The following PCDHGB6 variants were observed in gnomAD, a reference collection of about 807,000 sequenced individuals.
PCDHGB6 encodes the protein protocadherin gamma-B6.
Under a neutral mutation model 59.1 loss-of-function variants are expected in PCDHGB6, and 51 were observed. The observed-to-expected ratio is 0.86, with a 90% CI of 0.69 to 1.09. PCDHGB6 has a LOEUF of 1.09. Ranked by LOEUF, PCDHGB6 falls within the 50% of genes least tolerant of loss-of-function variation. The pLI, the probability that PCDHGB6 is intolerant of heterozygous loss-of-function variation, is 0.00. For synonymous variants in PCDHGB6, 466 were observed against 495.1 expected (o/e 0.94, Z 0.78); for missense variants, 1,148 against 1,205.1 (o/e 0.95, Z 0.70).
chr5:141,410,439 G>A lies in PCDHGB6; in HGVS notation c.2237G>A (p.Gly746Glu), dbSNP rs775594110. The A allele has an allele frequency of 3.1e-6, 5 of 1,614,006 alleles. No homozygotes were observed. The highest frequency in any genetic ancestry group is 3.3e-5 in the Admixed American group (2 of 60,018). The change falls in exon 1 of 4, where the codon GGG becomes GAG. Residue 746 changes from glycine (G) to glutamate (E), a missense_variant. Physicochemically the swap from Gly to Glu is moderately conservative, Grantham distance 98 (BLOSUM62 -2). Around this residue, in one of 5 missense-constraint regions of PCDHGB6, gnomAD observed 283 missense variants for 318.6 expected, o/e 0.89. Transcript: ENST00000520790. ...GPVVPPNYSE[G>E]TLPYSYNLCI... ...GTAGTTCCCCCCAACTACAGTGAGG[G>A]GACTTTGCCTTATTCTTATAATCTG...
intron 1 of PCDHGB6, chr5:141,415,738 AGGTTTTTT>A: frequency 1.9e-6 from 1 of 538,082 alleles, no homozygotes; most frequent in Non-Finnish European, 2.7e-6. Flanking sequence ...ATGTTTATTA[AGGTTTTTT>A]TTTTTTTTTT....
rs764313049 is a variant in PCDHGB6, at chr5:141,418,041, T to G, written c.2418+7421T>G. 36 of 1,613,976 alleles carry G rather than the reference T, an allele frequency of 2.2e-5. No homozygotes were observed. In the Admixed American group the frequency reaches 2.3e-4, roughly 10 times the overall value. On this transcript the variant is annotated intron_variant, in intron 1 of 3. Coordinates refer to ENST00000520790, the MANE Select transcript of PCDHGB6 (RefSeq NM_018926.3). Reference sequence around the variant, plus strand: ...GATCTAGGGCTTAGTGTCCTGGATGTGTCGGCTCGCGAGCTGCGAGTGAGC... The same window carrying G: ...GATCTAGGGCTTAGTGTCCTGGATGGGTCGGCTCGCGAGCTGCGAGTGAGC...
intron 1 of PCDHGB6, chr5:141,419,462 C>T: frequency 6.2e-7 from 1 of 1,612,582 alleles, no homozygotes. Flanking sequence ...GCTGCAGGCC[C>T]GCGACCAGGG....
In PCDHGB6 at chr5:141,409,920, C is replaced by G; in HGVS notation, c.1718C>G (p.Ala573Gly). The change falls in exon 1 of 4, where the codon GCG (alanine) becomes GGG (glycine). Residue 573 changes from alanine (A) to glycine (G), a missense_variant. Coordinates refer to ENST00000520790, the MANE Select transcript of PCDHGB6 (RefSeq NM_018926.3). ...LYPALGPDGS[A>G]FFDMVPRSAE... is the part of the protein sequence containing the mutation. ...CCAGCTCTGGGTCCTGACGGCTCCG[C>G]GTTCTTCGATATGGTACCTCGCTCT... 1 of 1,613,400 alleles carries G rather than the reference C, an allele frequency of 6.2e-7. No individual in the cohort carries two copies. Among genetic ancestry groups the G allele is most frequent in the Non-Finnish European group, 8.5e-7 (1 of 1,179,776 alleles).
Position 141,477,160 on chromosome 5 carries a change from C to A in PCDHGB6, c.2419-17647C>A, listed in dbSNP as rs768436526. The A allele has an allele frequency of 1.9e-5, 31 of 1,614,068 alleles. No homozygotes were observed. The African/African-American group carries it at 3.6e-4, about 19-fold the overall frequency. On this transcript the variant is annotated intron_variant, in intron 1 of 3. Coordinates refer to ENST00000520790, the MANE Select transcript of PCDHGB6 (RefSeq NM_018926.3). This position sits in a 1 kb window ranked among gnomAD's most constrained non-coding sequence, Gnocchi z 4.9. ...TGGAGGTTGTGGATGTGAATGACAA[C>A]GCCCCGGAGATCACAGTCACCTCCG...
At chr5:141,470,302 C>A (rs996558051) in intron 1 of PCDHGB6, among the ~76,000 whole-genome samples, 5 of 152,188 alleles carry the variant, frequency 3.3e-5, no homozygotes, top group African/African-American at 1.2e-4. Context: ...GTTTTTATTC[C>A]ATTTTTCCTC....
At position 141,486,182 on chromosome 5, in the gene PCDHGB6, C is replaced by G. The variant is rs1288782056; in HGVS notation, c.2419-8625C>G. On this transcript the variant is annotated intron_variant, in intron 1 of 3. Transcript: ENST00000520790. This position sits in a 1 kb window ranked among gnomAD's most constrained non-coding sequence, Gnocchi z 5.0. ...AGCCATGGAGCAACATTGCAGCCTT[C>G]GAGTGGATCTGCTGGACGTAAATGA... 1 of 1,614,198 alleles carries G rather than the reference C, an allele frequency of 6.2e-7. No individual in the cohort carries two copies. Among genetic ancestry groups the G allele is most frequent in the Non-Finnish European group, 8.5e-7 (1 of 1,180,028 alleles).
intron 1 of PCDHGB6, chr5:141,428,224 G>A (rs1232582892): frequency 1.7e-6 from 2 of 1,164,198 alleles, no homozygotes; most frequent in Non-Finnish European, 1.3e-6. Flanking sequence ...AGTCTTCGCA[G>A]ACAGCCTGCA....
At chr5:141,501,583 T>C (rs1270487304) in intron 2 of PCDHGB6, among the ~76,000 whole-genome samples, 1 of 152,054 alleles carries the variant, frequency 6.6e-6, no homozygotes, top group Non-Finnish European at 1.5e-5. Context: ...GGCTTTCAGG[T>C]TGCAACTCTA....
chr5:141,421,424 G>T lies in PCDHGB6; in HGVS notation c.2418+10804G>T, dbSNP rs369037131. 2.2e-5 allele frequency: 35 copies of T among 1,613,974 alleles called. No individual in the cohort carries two copies. The African/African-American group carries it at 3.9e-4, about 18-fold the overall frequency. ...CGGGAGCTGGCGAAGCGCGGAGTCC[G>T]CATCGTCTCCAGAGGGAAGACACAG... is the stretch of plus-strand genomic sequence containing the variant. On this transcript the variant is annotated intron_variant, in intron 1 of 3. Transcript: ENST00000520790.
At chr5:141,418,449 A>C in intron 1 of PCDHGB6, 1 of 1,614,040 alleles carries the variant, frequency 6.2e-7, no homozygotes, top group Non-Finnish European at 8.5e-7. Context: ...TTAGTATTGC[A>C]GAAGACTCTG....
Position 141,491,897 on chromosome 5 carries a change from C to G in PCDHGB6, c.2419-2910C>G. The stretch of plus-strand genomic sequence containing the variant: ...GATTAAGGGATGGGGCTCCGAGCAC[C>G]GGGGGTGGTGGCGACTGTGGGCGAG... On this transcript the variant is annotated intron_variant, in intron 1 of 3. Transcript: ENST00000520790. This position sits in a 1 kb window ranked among gnomAD's most constrained non-coding sequence, Gnocchi z 6.9. 7 of 1,432,534 alleles carry G rather than the reference C, an allele frequency of 4.9e-6. No homozygotes were observed. The highest frequency in any genetic ancestry group is 6.5e-6 in the Non-Finnish European group (7 of 1,082,898). 88.7% of individuals were successfully genotyped at this position (1,432,534 alleles called of 1,614,324 possible).
chr5:141,427,960 G>A, intron 1 of PCDHGB6: 2 of 1,589,168 alleles, frequency 1.3e-6, no homozygotes, highest in East Asian at 2.2e-5. Context: ...AATGTGCCGC[G>A]GGTGCTGTAC....
At position 141,491,514 on chromosome 5, in the gene PCDHGB6, G is replaced by A. The variant is rs753335815; in HGVS notation, c.2419-3293G>A. ...AGGTGAGCTCGGACGGCACGCTCAAGTACATGGAGGTGACGCTGCGGCCCA... is the reference window on the plus strand; with the variant it reads ...AGGTGAGCTCGGACGGCACGCTCAAATACATGGAGGTGACGCTGCGGCCCA... On this transcript the variant is annotated intron_variant, in intron 1 of 3. Coordinates refer to ENST00000520790, the MANE Select transcript of PCDHGB6 (RefSeq NM_018926.3). The surrounding 1 kb of genome is among the most constrained non-coding windows in gnomAD (Gnocchi z 6.9). 2 of 1,613,964 alleles carry A rather than the reference G, an allele frequency of 1.2e-6. No individual in the cohort carries two copies. Among genetic ancestry groups the A allele is most frequent in the East Asian group, 2.2e-5 (1 of 44,892 alleles).
chr5:141,454,842 C>T lies in PCDHGB6; in HGVS notation c.2419-39965C>T, dbSNP rs543795114. 1.2e-4 allele frequency among the ~76,000 whole-genome samples: 12 copies of T among 101,680 alleles called. No homozygotes were observed. The East Asian group carries it at 3.9e-3, about 33-fold the overall frequency. 66.7% of individuals were successfully genotyped at this position (101,680 alleles called of 152,430 possible). ...TTTTTTTTTGAGACAGAGTCGCGCTCTGTCACCCAGGCTGGAGTGCAGTGG... is the reference window on the plus strand; with the variant it reads ...TTTTTTTTTGAGACAGAGTCGCGCTTTGTCACCCAGGCTGGAGTGCAGTGG... On this transcript the variant is annotated intron_variant, in intron 1 of 3. Coordinates refer to ENST00000520790, the MANE Select transcript of PCDHGB6 (RefSeq NM_018926.3).
chr5:141,458,514 T>G (rs1338106276), intron 1 of PCDHGB6, among the ~76,000 whole-genome samples: 1 of 129,036 alleles, frequency 7.7e-6, no homozygotes, highest in African/African-American at 3.6e-5. Context: ...TGACACTTTG[T>G]TTTTTTTTTT....
In PCDHGB6 at chr5:141,432,088, A is replaced by T. The variant is rs144317211; in HGVS notation, c.2418+21468A>T. The T allele has an allele frequency of 2.9e-5, 47 of 1,614,148 alleles. No individual in the cohort carries two copies. In the African/African-American group the frequency reaches 5.7e-4, roughly 20 times the overall value. On this transcript the variant is annotated intron_variant, in intron 1 of 3. Transcript: ENST00000520790. This position sits in a 1 kb window ranked among gnomAD's most constrained non-coding sequence, Gnocchi z 6.0. Reference sequence around the variant, plus strand: ...AAACTCATATCTCGCTGAACGTGGCAGACACCAACGACAACCCGCCGGTCT... The same window carrying T: ...AAACTCATATCTCGCTGAACGTGGCTGACACCAACGACAACCCGCCGGTCT...
chr5:141,425,057 C>T (rs926732426), intron 1 of PCDHGB6, among the ~76,000 whole-genome samples: 4 of 152,026 alleles, frequency 2.6e-5, no homozygotes, highest in African/African-American at 4.8e-5. Flanking sequence ...ATCTAGGGCT[C>T]GGACAAAAAT....
chr5:141,426,642 G>T, intron 1 of PCDHGB6: 1 of 411,420 alleles, frequency 2.4e-6, no homozygotes, highest in South Asian at 1.7e-5. Context: ...TCACATAAAT[G>T]TGATGATAGA....
Sources: gnomAD v4.1 joint callset for allele counts (sites outside exome capture counted in the v4.1 genomes callset) on GRCh38, gnomAD v4.1.1 for gene constraint, gnomAD v4.1.1 regional missense constraint, Gnocchi (gnomAD v3.1) non-coding constraint, MANE v1.5 for transcripts, NCBI Gene and HGNC (gene_info 2026-07-23, HGNC 2026-07-21) for gene names.